IFRD2: variants seen among roughly 807,000 people sequenced by gnomAD.
IFRD2 encodes interferon-related developmental regulator 2.
IFRD2 carries 35 observed loss-of-function variants against 49.2 expected under a neutral mutation model. The ratio of observed to expected loss-of-function variants is 0.71; its 90% CI spans 0.54 to 0.94. The LOEUF (loss-of-function observed/expected upper bound fraction) is 0.94. Among genes scored for constraint, IFRD2 ranks in the 40% least tolerant of loss-of-function variants. The pLI is 0.00. For missense variants in IFRD2, 561 were observed against 591.6 expected (o/e 0.95, Z 0.54); for synonymous variants, 275 against 239.7 (o/e 1.15, Z -1.36).
rs998300538 is a variant in IFRD2, at chr3:50,288,822, C to T, written c.1001G>A (p.Arg334His). Residue 334 changes from arginine (R) to histidine (H), a missense_variant, in exon 9 of 12, where the codon CGC (arginine) becomes CAC (histidine). Arg to His is a conservative substitution (Grantham distance 29). Coordinates refer to ENST00000417626, the MANE Select transcript of IFRD2 (RefSeq NM_006764.5). ...CACCTCCACGGAGTGCAGCACGGCG[C>T]GGAAAGTAGAGCGCTGGCGCCGACG... ...ADRRRQRSTF[R>H]AVLHSVEGGE... 5.6e-6 allele frequency: 9 copies of T among 1,613,428 alleles called. No individual in the cohort carries two copies. The highest frequency in any genetic ancestry group is 2.2e-5 in the East Asian group (1 of 44,864).
chr3:50,288,346 C>A (rs1553708928), intron 11 of IFRD2, 63 bp downstream of exon 11: 15 of 1,603,716 alleles, frequency 9.4e-6, no homozygotes, highest in Middle Eastern at 1.6e-4. Flanking sequence ...CCGGCCTCTA[C>A]AGAATTCCAG....
At position 50,289,170 on chromosome 3, in the gene IFRD2, G is replaced by A. The variant is rs587621843; in HGVS notation, c.885+85C>T. On this transcript the variant is annotated intron_variant, in intron 8 of 11. Coordinates refer to ENST00000417626, the MANE Select transcript of IFRD2 (RefSeq NM_006764.5). ...CTCCTCTGCATAATGACCTAAAGCT[G>A]TTCTGTTTTGTGTGGCACCCCCTGC... 40 of 1,289,272 alleles carry A rather than the reference G, an allele frequency of 3.1e-5. No individual in the cohort carries two copies. In the East Asian group the frequency reaches 5.8e-4, roughly 19 times the overall value. 79.9% of individuals were successfully genotyped at this position (1,289,272 alleles called of 1,614,324 possible).
In IFRD2 at chr3:50,290,384, G is replaced by A. The variant is rs781881743; in HGVS notation, c.263+4C>T. 1.3e-5 allele frequency: 21 copies of A among 1,584,900 alleles called. No homozygotes were observed. The highest frequency in any genetic ancestry group is 1.5e-5 in the Non-Finnish European group (18 of 1,165,162). On this transcript the variant is annotated splice_donor_region_variant and intron_variant, in intron 3 of 11. Transcript: ENST00000417626. The stretch of plus-strand genomic sequence containing the variant: ...TGTAGGAGTTGGCTGGCAGCCAGGG[G>A]TACCTCTTGTCTGTGAGACAGTCCA...
At position 50,289,290 on chromosome 3, in the gene IFRD2, T is replaced by C. The variant is rs782285240; in HGVS notation, c.850A>G (p.Ile284Val). 16 of 1,593,284 alleles carry C rather than the reference T, an allele frequency of 1.0e-5. No individual in the cohort carries two copies. The highest frequency in any genetic ancestry group is 4.0e-5 in the African/African-American group (3 of 74,520). Residue 284 changes from isoleucine to valine, a missense_variant, in exon 8 of 12, where the codon ATT (isoleucine) becomes GTT (valine). Ile to Val is a conservative substitution (Grantham distance 29). Transcript: ENST00000417626. Reference sequence around the variant, plus strand: ...CGGGCAAGCTCAAAGAGCAGTGCAATGGTTTCACCGGCAGCGATCCGCAGG... The same window carrying C: ...CGGGCAAGCTCAAAGAGCAGTGCAACGGTTTCACCGGCAGCGATCCGCAGG... ...VNLRIAAGET[I>V]ALLFELARDL...
At position 50,288,589 on chromosome 3, in the gene IFRD2, G is replaced by A. The variant is rs2229647; in HGVS notation, c.1146C>T (p.His382=). 0.04 allele frequency: 64,893 copies of A among 1,613,836 alleles called. 12,295 individuals carry two copies. The East Asian group carries it at 0.54, about 13-fold the overall frequency. The part of the protein sequence containing the change: ...KEVLGSGMHH[H]LQNNELLRDI... ...TCCCTGTCCGTCCCCGCACCTGGAGGTGGTGGTGCATGCCCGAACCCAGCA... is the reference window on the plus strand; with the variant it reads ...TCCCTGTCCGTCCCCGCACCTGGAGATGGTGGTGCATGCCCGAACCCAGCA... The change falls in exon 10 of 12, where the codon CAC becomes CAT. Residue 382 remains histidine, a synonymous_variant. Transcript: ENST00000417626.
chr3:50,291,441 C>T (rs1701670837), intron 1 of IFRD2, among the ~76,000 whole-genome samples: 1 of 152,164 alleles, frequency 6.6e-6, no homozygotes, highest in East Asian at 1.9e-4. Context: ...TCTCAGGACT[C>T]ACCCAGAAGC....
chr3:50,288,443 G>T lies in IFRD2; in HGVS notation c.1214C>A (p.Ala405Asp), dbSNP rs1553708969. Residue 405 changes from alanine to aspartate, a missense_variant, in exon 11 of 12, where the codon GCC becomes GAC. Coordinates refer to ENST00000417626, the MANE Select transcript of IFRD2 (RefSeq NM_006764.5). ...LGPVLLLDAT[A>D]LKACKVPRFE... ...GCGTGGAACCTTGCAGGCCTTCAGGGCAGTGGCATCCAGCAACAGCACAGG... is the reference window on the plus strand; with the variant it reads ...GCGTGGAACCTTGCAGGCCTTCAGGTCAGTGGCATCCAGCAACAGCACAGG... The T allele has an allele frequency of 1.9e-6, 3 of 1,613,764 alleles. No homozygotes were observed. Among genetic ancestry groups the T allele is most frequent in the Non-Finnish European group, 2.5e-6 (3 of 1,179,786 alleles).
At chr3:50,289,819 C>T (rs2109275845) in intron 5 of IFRD2, 57 bp from the exon 6 acceptor site, 1 of 1,585,492 alleles carries the variant, frequency 6.3e-7, no homozygotes, top group Admixed American at 1.8e-5. Context: ...GGGTTCCCAG[C>T]CCTGGAGCTC....
At position 50,289,711 on chromosome 3, in the gene IFRD2, C is replaced by A. The variant is rs781922547; in HGVS notation, c.597+1G>T. On this transcript the variant is annotated splice_donor_variant, in intron 6 of 11. Transcript: ENST00000417626. LOFTEE classifies it high-confidence loss of function. ...ACCACCTGTGCCCAAAGACCCCTCA[C>A]CTGGATGTCAGCGGCAGCCACGTAG... The A allele has an allele frequency of 3.1e-6, 5 of 1,601,612 alleles. No homozygotes were observed. Among genetic ancestry groups the A allele is most frequent in the Non-Finnish European group, 4.3e-6 (5 of 1,174,392 alleles).
Position 50,289,351 on chromosome 3 carries a change from G to A in IFRD2, c.789C>T (p.Pro263=). 2 of 1,597,874 alleles carry A rather than the reference G, an allele frequency of 1.3e-6. No individual in the cohort carries two copies. Among genetic ancestry groups the A allele is most frequent in the Non-Finnish European group, 1.7e-6 (2 of 1,172,330 alleles). Residue 263 remains proline, a synonymous_variant, in exon 8 of 12, where the codon CCC becomes CCT. Coordinates refer to ENST00000417626, the MANE Select transcript of IFRD2 (RefSeq NM_006764.5). ...CACTGGACAAGAGCTGGGGCAGCCG[G>A]GGCAGCTGCCTAGGGAAGGGGCAGG... is the stretch of plus-strand genomic sequence containing the variant. ...QISHILDRQL[P]RLPQLLSSES...
At chr3:50,289,213 C>G in intron 8 of IFRD2, 42 bp downstream of exon 8, 1 of 1,487,504 alleles carries the variant, frequency 6.7e-7, no homozygotes, top group Non-Finnish European at 9.2e-7. Context: ...CTGTGATGGG[C>G]AGGTGGTGTC....
At position 50,288,791 on chromosome 3, in the gene IFRD2, C is replaced by G; in HGVS notation, c.1023+9G>C. The G allele has an allele frequency of 6.2e-7, 1 of 1,612,938 alleles. No homozygotes were observed. The highest frequency in any genetic ancestry group is 2.2e-5 in the East Asian group (1 of 44,848). ...ACCCTTGCTAGGACACATATGTTCTCACACACACCTCCACGGAGTGCAGCA... is the reference window on the plus strand; with the variant it reads ...ACCCTTGCTAGGACACATATGTTCTGACACACACCTCCACGGAGTGCAGCA... On this transcript the variant is annotated intron_variant, in intron 9 of 11. Coordinates refer to ENST00000417626, the MANE Select transcript of IFRD2 (RefSeq NM_006764.5).
At chr3:50,288,742 C>A in intron 9 of IFRD2, 31 bp from the exon 10 acceptor site, 2 of 1,612,270 alleles carry the variant, frequency 1.2e-6, no homozygotes, top group Non-Finnish European at 1.7e-6. Flanking sequence ...CACAACTGGG[C>A]TTGGCTGCTA....
Position 50,290,088 on chromosome 3 carries a change from T to C in IFRD2, c.389-2A>G. 2.5e-6 allele frequency: 4 copies of C among 1,613,444 alleles called. No individual in the cohort carries two copies. Among genetic ancestry groups the C allele is most frequent in the Non-Finnish European group, 3.4e-6 (4 of 1,179,544 alleles). On this transcript the variant is annotated splice_acceptor_variant, in intron 4 of 11. Transcript: ENST00000417626. LOFTEE classifies it high-confidence loss of function. ...CCAGGGCTTGTTCCTCGCCCTTCCC[T>C]GTGGGATGCTTTCCAGTCAGCCCAT... is the stretch of plus-strand genomic sequence containing the variant.
Position 50,289,764 on chromosome 3 carries a change from T to C in IFRD2, c.547-2A>G. Reference sequence around the variant, plus strand: ...GCCCAGGCCAAGGGCAGAAGCACACTGTTGGGAGAAGGGCAATGCAATGCC... The same window carrying C: ...GCCCAGGCCAAGGGCAGAAGCACACCGTTGGGAGAAGGGCAATGCAATGCC... On this transcript the variant is annotated splice_acceptor_variant, in intron 5 of 11. Coordinates refer to ENST00000417626, the MANE Select transcript of IFRD2 (RefSeq NM_006764.5). LOFTEE classifies it high-confidence loss of function. 6.2e-7 allele frequency: 1 copy of C among 1,600,438 alleles called. No individual in the cohort carries two copies. Among genetic ancestry groups the C allele is most frequent in the South Asian group, 1.1e-5 (1 of 88,684 alleles).
rs782716732 is a variant in IFRD2 at position 50,290,698 on chromosome 3, G to A, written c.59-19C>T. 2.9e-5 allele frequency: 47 copies of A among 1,611,614 alleles called. No homozygotes were observed. Among genetic ancestry groups the A allele is most frequent in the Non-Finnish European group, 3.7e-5 (44 of 1,178,824 alleles). ...CGGGCACCTGGAGAAGGTGGAATAG[G>A]ACACTCAACTTGCCTCTACTGATGA... On this transcript the variant is annotated intron_variant, in intron 1 of 11. Transcript: ENST00000417626.
chr3:50,292,288 C>A lies in IFRD2; in HGVS notation c.-14G>T, dbSNP rs1351391230. The A allele has an allele frequency of 1.3e-6, 2 of 1,548,262 alleles. No individual in the cohort carries two copies. Among genetic ancestry groups the A allele is most frequent in the Non-Finnish European group, 8.7e-7 (1 of 1,151,250 alleles). ...GGCGCGAGGCATGCCGGGAACCGGG[C>A]GCGGGGGGCGCGGGGTCAGGGACCC... On this transcript the variant is annotated 5_prime_UTR_variant, in exon 1 of 12. Transcript: ENST00000417626.
In IFRD2 at chr3:50,288,036, G is replaced by A. The variant is rs1408419267; in HGVS notation, c.*155C>T. 4.5e-6 allele frequency: 3 copies of A among 667,150 alleles called. No homozygotes were observed. The highest frequency in any genetic ancestry group is 1.8e-5 in the African/African-American group (1 of 56,142). The allele number at this position is 667,150 out of a possible 1,614,324, so 41.3% of individuals were successfully genotyped here. ...GGACAAAGGGGTCAGGGTCCCAAGTGTCCGGGCCCCCAGCTACCCACCCCA... is the reference window on the plus strand; with the variant it reads ...GGACAAAGGGGTCAGGGTCCCAAGTATCCGGGCCCCCAGCTACCCACCCCA... On this transcript the variant is annotated 3_prime_UTR_variant, in exon 12 of 12. Transcript: ENST00000417626.
In IFRD2 at chr3:50,287,900, G is replaced by T. The variant is rs3204447; in HGVS notation, c.*291C>A. 1.2e-5 allele frequency: 5 copies of T among 409,390 alleles called. No homozygotes were observed. The highest frequency in any genetic ancestry group is 1.4e-5 in the Non-Finnish European group (3 of 222,192). 25.4% of individuals were successfully genotyped at this position (409,390 alleles called of 1,614,324 possible). A position where few individuals can be genotyped will look rare whatever the true frequency, so the allele number is the denominator to read the frequency against. On this transcript the variant is annotated 3_prime_UTR_variant, in exon 12 of 12. Transcript: ENST00000417626. Reference sequence around the variant, plus strand: ...GTCATCCTGGGGGAGCAAGGCCTGAGAAAGGAAAGGAAGGGAAAGGCCCCC... The same window carrying T: ...GTCATCCTGGGGGAGCAAGGCCTGATAAAGGAAAGGAAGGGAAAGGCCCCC...
Sources: allele counts gnomAD v4.1 joint callset (sites outside exome capture counted in the v4.1 genomes callset), GRCh38; gene constraint gnomAD v4.1.1; transcripts MANE v1.5; gene names NCBI Gene and HGNC (gene_info 2026-07-23, HGNC 2026-07-21).